ADGRD1: variants seen among roughly 807,000 people sequenced by gnomAD.
ADGRD1 encodes adhesion G protein-coupled receptor D1.
A neutral mutation model predicts 113.4 loss-of-function variants in ADGRD1; 77 were observed. The ratio of observed to expected loss-of-function variants is 0.68; its 90% confidence interval spans 0.57 to 0.82. The LOEUF is 0.82. ADGRD1 is among the 40% of genes least tolerant of loss of function. ADGRD1 has a pLI of 0.00. For missense variants in ADGRD1, 1,036 were observed against 1,139.1 expected, an observed-to-expected ratio of 0.91 and a Z score of 1.30; for synonymous variants, 474 against 475.0, an observed-to-expected ratio of 1.00 and a Z score of 0.03.
intron 13 of ADGRD1, among the ~76,000 whole-genome samples, chr12:131,062,525 C>G (rs932209712): frequency 6.6e-6 from 1 of 152,096 alleles, no homozygotes. Context: ...AAAGGGGGGG[C>G]CAGATGGTGA....
At chr12:131,133,223 C>T (rs1950982765) in intron 21 of ADGRD1, among the ~76,000 whole-genome samples, 1 of 152,142 alleles carries the variant, frequency 6.6e-6, no homozygotes, top group Admixed American at 6.5e-5. Context: ...GTCAGCCAGT[C>T]TGTTGCCAGC....
intron 24 of ADGRD1, 43 bp from the exon 25 acceptor site, chr12:131,139,125 C>T (rs1593285425): frequency 1.3e-6 from 2 of 1,500,882 alleles, no homozygotes; most frequent in Non-Finnish European, 1.8e-6. Flanking sequence ...GGCTCTCCCC[C>T]TGGGAGCAGG....
intron 13 of ADGRD1, among the ~76,000 whole-genome samples, chr12:131,061,877 G>GA (rs1327275355): frequency 6.6e-6 from 1 of 152,210 alleles, no homozygotes; most frequent in Non-Finnish European, 1.5e-5. Context: ...TCTGTAAATA[G>GA]AATCATACAG....
At position 131,022,373 on chromosome 12, in the gene ADGRD1, A is replaced by G. The variant is rs1031424054; in HGVS notation, c.1473+8033A>G. Among the ~76,000 whole-genome samples the G allele has an allele frequency of 1.3e-5, 2 of 152,098 alleles. No homozygotes were observed. The highest frequency in any genetic ancestry group is 4.8e-5 in the African/African-American group (2 of 41,422). ...AGCTCATCTTCCTTCATGAATTTCT[A>G]CATTTTGATTGCTCTTGCCTGCAAA... On this transcript the variant is annotated intron_variant, in intron 13 of 24. Coordinates refer to ENST00000261654, the MANE Select transcript of ADGRD1 (RefSeq NM_198827.5). The surrounding 1 kb of genome is among the most constrained non-coding windows in gnomAD (Gnocchi z 4.6).
At chr12:131,071,717 G>A (rs1168277583) in intron 13 of ADGRD1, among the ~76,000 whole-genome samples, 2 of 152,174 alleles carry the variant, frequency 1.3e-5, no homozygotes, top group South Asian at 2.1e-4. Flanking sequence ...GTGGAGACCC[G>A]GATGCCGGGT....
chr12:130,981,637 G>A (rs571294734), intron 4 of ADGRD1, among the ~76,000 whole-genome samples: 3 of 152,262 alleles, frequency 2.0e-5, no homozygotes, highest in African/African-American at 7.2e-5. Context: ...GATGAAGCAG[G>A]ATTTTTGTAC....
chr12:131,079,731 A>G (rs541127425), intron 14 of ADGRD1, among the ~76,000 whole-genome samples: 2 of 152,238 alleles, frequency 1.3e-5, no homozygotes, highest in African/African-American at 2.4e-5. Context: ...ATATTCATCA[A>G]TTTCATCAAA....
At chr12:131,032,563 G>T (rs972587446) in intron 13 of ADGRD1, among the ~76,000 whole-genome samples, 1 of 152,198 alleles carries the variant, frequency 6.6e-6, no homozygotes, top group Non-Finnish European at 1.5e-5. Context: ...AGCGGAGAGG[G>T]CTCTGCAGCT....
At chr12:131,107,642 ATGGT>A (rs1950264232) in intron 17 of ADGRD1, among the ~76,000 whole-genome samples, 1 of 152,210 alleles carries the variant, frequency 6.6e-6, no homozygotes, top group African/African-American at 2.4e-5. Context: ...GATGATTGTA[ATGGT>A]TGGTCCCACC....
intron 9 of ADGRD1, among the ~76,000 whole-genome samples, 188 bp from the exon 10 acceptor site, chr12:131,002,997 G>A (rs748810066): frequency 5.3e-5 from 8 of 152,188 alleles, no homozygotes; most frequent in Non-Finnish European, 1.0e-4. Context: ...TCCATGCTCC[G>A]TGAGCTCAGT....
rs117509462 is a variant in ADGRD1, at chr12:131,099,517, C to A, written c.1672-5314C>A. Among the ~76,000 whole-genome samples the A allele has an allele frequency of 2.6e-3, 396 of 152,326 alleles. 1 individual carries two copies. The highest frequency in any genetic ancestry group is 4.2e-3 in the Non-Finnish European group (289 of 68,042). ...TCAGTCCACTCTGTGGACTTGAAAG[C>A]TGTGTTGAAGCAGTGAGGTTTGCAG... On this transcript the variant is annotated intron_variant, in intron 15 of 24. Transcript: ENST00000261654.
chr12:130,969,415 C>A (rs1455650618), intron 3 of ADGRD1: 4 of 240,480 alleles, frequency 1.7e-5, no homozygotes, highest in Non-Finnish European at 3.2e-5. Flanking sequence ...GCTCACATTA[C>A]CGCCCGAGCT....
rs546633167 is a variant in ADGRD1 at position 131,123,092 on chromosome 12, T to G, written c.2175+2179T>G. Among the ~76,000 whole-genome samples the G allele has an allele frequency of 7.1e-4, 98 of 137,618 alleles. 1 individual carries two copies. Among genetic ancestry groups the G allele is most frequent in the African/African-American group, 2.5e-3 (93 of 37,212 alleles). 90.3% of individuals were successfully genotyped at this position (137,618 alleles called of 152,430 possible). A position where few individuals can be genotyped will look rare whatever the true frequency, so the allele number is the denominator to read the frequency against. ...TTTTTTTGCGACAGAGTCTTCGCTC[T>G]GTCGCCCAGGCTGGAGTGCAGTGGC... On this transcript the variant is annotated intron_variant, in intron 20 of 24. Coordinates refer to ENST00000261654, the MANE Select transcript of ADGRD1 (RefSeq NM_198827.5).
intron 13 of ADGRD1, among the ~76,000 whole-genome samples, chr12:131,073,423 T>A (rs116537810): frequency 5.1e-4 from 77 of 152,348 alleles, no homozygotes; most frequent in African/African-American, 1.8e-3. Flanking sequence ...CTGCCCCAGA[T>A]GTTCCACTGA....
chr12:131,098,993 C>G (rs1050026972), intron 15 of ADGRD1, among the ~76,000 whole-genome samples: 2 of 152,228 alleles, frequency 1.3e-5, no homozygotes, highest in African/African-American at 2.4e-5. Context: ...GCTGTCCACT[C>G]ACAGGCTTGC....
intron 11 of ADGRD1, among the ~76,000 whole-genome samples, chr12:131,004,779 C>G (rs1021292998): frequency 6.6e-6 from 1 of 152,208 alleles, no homozygotes; most frequent in Admixed American, 6.5e-5. Context: ...CCTGTGCAGG[C>G]CTCAGTCGAG....
chr12:131,097,010 C>T (rs1172440702), intron 15 of ADGRD1, among the ~76,000 whole-genome samples: 1 of 152,232 alleles, frequency 6.6e-6, no homozygotes, highest in Non-Finnish European at 1.5e-5. Context: ...GCTGTGGCTG[C>T]AGCCCTGCTG....
At chr12:131,038,153 C>T (rs1881735401) in intron 13 of ADGRD1, among the ~76,000 whole-genome samples, 1 of 152,234 alleles carries the variant, frequency 6.6e-6, no homozygotes, top group South Asian at 2.1e-4. Flanking sequence ...CCCCTTTCTG[C>T]TGATTTTTGC....
rs1369336374 is a variant in ADGRD1, at chr12:131,138,189, C to T, written c.2489C>T (p.Ser830Phe). ...KTKVWSLTSS[S>F]ARTSNAKPFH... is the part of the protein sequence containing the mutation. ...AAGGTCTGGTCGCTCACGAGCAGCTCTGCCCGCACCTCCAACGCGAAGCCC... is the reference window on the plus strand; with the variant it reads ...AAGGTCTGGTCGCTCACGAGCAGCTTTGCCCGCACCTCCAACGCGAAGCCC... Residue 830 changes from serine (S) to phenylalanine (F), a missense_variant, in exon 24 of 25, where the codon TCT becomes TTT. Transcript: ENST00000261654. 1 of 1,613,726 alleles carries T rather than the reference C, an allele frequency of 6.2e-7. No homozygotes were observed. Among genetic ancestry groups the T allele is most frequent in the Admixed American group, 1.7e-5 (1 of 60,034 alleles).
Sources: allele counts gnomAD v4.1 joint callset (sites outside exome capture counted in the v4.1 genomes callset), GRCh38; gene constraint gnomAD v4.1.1; non-coding constraint Gnocchi (gnomAD v3.1); transcripts MANE v1.5; gene names NCBI Gene and HGNC (gene_info 2026-07-23, HGNC 2026-07-21).